The following CEP128 variants were observed in gnomAD, a reference collection of about 807,000 sequenced individuals.
CEP128 encodes the protein centrosomal protein 128.
A neutral mutation model predicts 156.7 loss-of-function variants in CEP128; 132 were observed. The ratio of observed to expected loss-of-function variants is 0.84; its 90% CI spans 0.73 to 0.97. The LOEUF is 0.97. Ranked by LOEUF, CEP128 falls within the 50% of genes least tolerant of loss-of-function variation. The pLI is 0.00. For missense variants in CEP128, 1,252 were observed against 1,281.9 expected, an observed-to-expected ratio of 0.98 and a Z score of 0.36; for synonymous variants, 469 against 448.9, an observed-to-expected ratio of 1.04 and a Z score of -0.57.
chr14:80,938,441 G>A (rs55956216), intron 2 of CEP128, among the ~76,000 whole-genome samples: 3 of 151,714 alleles, frequency 2.0e-5, no homozygotes, highest in African/African-American at 2.4e-5. Flanking sequence ...TAGAGACAAG[G>A]TTTCACCATG....
chr14:80,498,091 G>A (rs192256649), intron 24 of CEP128, among the ~76,000 whole-genome samples: 2 of 152,226 alleles, frequency 1.3e-5, no homozygotes, highest in East Asian at 3.9e-4. Flanking sequence ...TCTACTCTCT[G>A]ATGCCTGCTC....
chr14:80,793,160 G>T lies in CEP128; in HGVS notation c.1210-50C>A, dbSNP rs1440998179. 8 of 1,418,466 alleles carry T rather than the reference G, an allele frequency of 5.6e-6. No individual in the cohort carries two copies. The African/African-American group carries it at 1.1e-4, about 20-fold the overall frequency. The allele number at this position is 1,418,466 out of a possible 1,614,324, so 87.9% of individuals were successfully genotyped here. A position where few individuals can be genotyped will look rare whatever the true frequency, so the allele number is the denominator to read the frequency against. ...TAGGAACAAATCCTTGTCAAAATTGGATGTGTAGCATATCATCAAACAAGA... is the reference window on the plus strand; with the variant it reads ...TAGGAACAAATCCTTGTCAAAATTGTATGTGTAGCATATCATCAAACAAGA... On this transcript the variant is annotated intron_variant, in intron 13 of 24. Coordinates refer to ENST00000555265, the MANE Select transcript of CEP128 (RefSeq NM_152446.5).
At chr14:80,566,151 G>T (rs1890898835) in intron 20 of CEP128, among the ~76,000 whole-genome samples, 1 of 152,110 alleles carries the variant, frequency 6.6e-6, no homozygotes. Flanking sequence ...TCTTCTGGAA[G>T]AAAAATCCAC....
intron 10 of CEP128, 111 bp downstream of exon 10, chr14:80,840,571 A>G: frequency 1.5e-6 from 1 of 647,958 alleles, no homozygotes; most frequent in Admixed American, 2.8e-5. Context: ...ATAGAAAGAT[A>G]AAGAACTCAC....
At chr14:80,584,946 T>C (rs1891754946) in intron 19 of CEP128, among the ~76,000 whole-genome samples, 1 of 152,220 alleles carries the variant, frequency 6.6e-6, no homozygotes, top group East Asian at 1.9e-4. Context: ...CTTTTATTAC[T>C]CTCTGGTTTG....
chr14:80,637,040 C>T (rs1179577678), intron 19 of CEP128, among the ~76,000 whole-genome samples: 1 of 151,028 alleles, frequency 6.6e-6, no homozygotes, highest in Non-Finnish European at 1.5e-5. Flanking sequence ...GAGCCAAGAT[C>T]GGGCCATTGT....
At chr14:80,933,219 G>A (rs1018390269) in intron 2 of CEP128, among the ~76,000 whole-genome samples, 4 of 152,052 alleles carry the variant, frequency 2.6e-5, no homozygotes, top group Admixed American at 2.0e-4. Context: ...GCGTCACTCC[G>A]CCTTTAATTA....
At chr14:80,840,246 T>A (rs1463626999) in intron 10 of CEP128, among the ~76,000 whole-genome samples, 6 of 152,130 alleles carry the variant, frequency 3.9e-5, no homozygotes, top group Non-Finnish European at 8.8e-5. Flanking sequence ...ACACAGTTCA[T>A]AAACATGAAC....
intron 19 of CEP128, among the ~76,000 whole-genome samples, chr14:80,628,124 T>G (rs1418682455): frequency 6.6e-6 from 1 of 152,198 alleles, no homozygotes; most frequent in African/African-American, 2.4e-5. Flanking sequence ...GTTTGACAGA[T>G]CAAACTAACC....
intron 2 of CEP128, among the ~76,000 whole-genome samples, chr14:80,926,738 C>T (rs1057037411): frequency 2.6e-5 from 4 of 152,216 alleles, no homozygotes; most frequent in African/African-American, 9.7e-5. Context: ...TGGAAGCAAA[C>T]CAGCACAGCC....
upstream of CEP128, among the ~76,000 whole-genome samples, chr14:80,944,140 A>G (rs1886270618): frequency 1.3e-5 from 2 of 152,190 alleles, no homozygotes; most frequent in Admixed American, 1.3e-4. Flanking sequence ...ACTCCCAAAG[A>G]TATGTATTAC....
intron 13 of CEP128, among the ~76,000 whole-genome samples, chr14:80,823,259 A>G (rs976403459): frequency 1.6e-4 from 24 of 152,172 alleles, no homozygotes; most frequent in African/African-American, 3.4e-4. Flanking sequence ...TGCCACTGAG[A>G]TGGCACCTGT....
In CEP128 at chr14:80,561,927, T is replaced by C. The variant is rs998270235; in HGVS notation, c.2857-2625A>G. 6.6e-5 allele frequency among the ~76,000 whole-genome samples: 10 copies of C among 150,616 alleles called. No homozygotes were observed. In the South Asian group the frequency reaches 8.4e-4, roughly 13 times the overall value. On this transcript the variant is annotated intron_variant, in intron 20 of 24. Coordinates refer to ENST00000555265, the MANE Select transcript of CEP128 (RefSeq NM_152446.5). ...ATATATATATATTTGTTTTGTTTTG[T>C]TTTTGTTTTTGTTTTTTTGGGACAG...
intron 21 of CEP128, among the ~76,000 whole-genome samples, chr14:80,546,143 C>T (rs1889974093): frequency 6.6e-6 from 1 of 152,166 alleles, no homozygotes; most frequent in South Asian, 2.1e-4. Flanking sequence ...CCAGTCCACA[C>T]ACTGCTGTTG....
At chr14:80,541,514 T>A (rs1287574887) in intron 21 of CEP128, among the ~76,000 whole-genome samples, 1 of 151,156 alleles carries the variant, frequency 6.6e-6, no homozygotes, top group Non-Finnish European at 1.5e-5. Flanking sequence ...CCCATGAAAT[T>A]ACCAACTCCA....
At chr14:80,511,821 A>T (rs1888272464) in intron 23 of CEP128, among the ~76,000 whole-genome samples, 2 of 151,906 alleles carry the variant, frequency 1.3e-5, no homozygotes, top group Non-Finnish European at 1.5e-5. Flanking sequence ...GTAATTTTTA[A>T]ATTTCTCTTA....
chr14:80,613,164 T>C (rs1460427356), intron 19 of CEP128, among the ~76,000 whole-genome samples: 1 of 151,876 alleles, frequency 6.6e-6, no homozygotes, highest in Non-Finnish European at 1.5e-5. Context: ...CCCATTGCTC[T>C]TCCAAAAGTT....
intron 12 of CEP128, among the ~76,000 whole-genome samples, chr14:80,835,478 T>G (rs1886025785): frequency 6.6e-6 from 1 of 152,158 alleles, no homozygotes; most frequent in African/African-American, 2.4e-5. Flanking sequence ...CATCCAACAC[T>G]TACAAAAATT....
At position 80,884,261 on chromosome 14, in the gene CEP128, C is replaced by T. The variant is rs893678944; in HGVS notation, c.645+11457G>A. Among the ~76,000 whole-genome samples, 5 of 152,098 alleles carry T rather than the reference C, an allele frequency of 3.3e-5. No individual in the cohort carries two copies. The East Asian group carries it at 7.7e-4, about 23-fold the overall frequency. On this transcript the variant is annotated intron_variant, in intron 8 of 24. Transcript: ENST00000555265. ...ATCAAGTTAAAAAGCTTGCACACAG[C>T]GAAGTTAGCAATCATCAAAATGAAG...
Sources: allele counts gnomAD v4.1 joint callset (sites outside exome capture counted in the v4.1 genomes callset), GRCh38; gene constraint gnomAD v4.1.1; transcripts MANE v1.5; gene names NCBI Gene and HGNC (gene_info 2026-07-23, HGNC 2026-07-21).